Variants in RBM6 observed in about 807,000 individuals in gnomAD.
RBM6 encodes RNA binding motif protein 6, also known as RNA-binding protein 6.
RBM6 carries 23 observed loss-of-function variants against 140.4 expected under a neutral mutation model. That is an observed-to-expected ratio of 0.16 (90% confidence interval 0.12 to 0.23). The LOEUF is 0.23. Among genes scored for constraint, RBM6 ranks in the 10% least tolerant of loss-of-function variants. The pLI is 1.00. For synonymous variants in RBM6, 439 were observed against 475.6 expected (o/e 0.92, Z 1.00); for missense variants, 1,139 against 1,386.7 (o/e 0.82, Z 2.84).
intron 5 of RBM6, among the ~76,000 whole-genome samples, chr3:49,989,245 TCTG>T (rs1256939974): frequency 3.9e-5 from 6 of 152,194 alleles, no homozygotes; most frequent in Non-Finnish European, 2.9e-5. Context: ...TACAGAAGTT[TCTG>T]GCAGCAATAT....
intron 7 of RBM6, among the ~76,000 whole-genome samples, chr3:50,049,773 A>C (rs532102681): frequency 6.6e-6 from 1 of 151,928 alleles, no homozygotes; most frequent in Non-Finnish European, 1.5e-5. Context: ...CATTTTAACC[A>C]TTTTGAAGCA....
Position 49,965,781 on chromosome 3 carries a change from A to G in RBM6, c.45-1689A>G, listed in dbSNP as rs115284317. Among the ~76,000 whole-genome samples the G allele has an allele frequency of 7.0e-3, 1,067 of 152,170 alleles. 15 individuals carry two copies. The highest frequency in any genetic ancestry group is 0.024 in the African/African-American group (1,016 of 41,534). On this transcript the variant is annotated intron_variant, in intron 2 of 20. Transcript: ENST00000266022. ...AGTCATCATGTTCTGAAAATCCATT[A>G]AATGTACATCATTCTAGTGTTTAGG...
At chr3:50,021,740 C>CTTTTTT (rs542734328) in intron 6 of RBM6, among the ~76,000 whole-genome samples, 520 of 42,764 alleles carry the variant, frequency 0.012, 169 homozygotes, top group Middle Eastern at 0.11. Context: ...AATTTAAGTG[C>CTTTTTT]TTTTTTTTTT....
intron 6 of RBM6, among the ~76,000 whole-genome samples, chr3:50,013,587 G>T (rs1196782410): frequency 1.3e-5 from 2 of 152,166 alleles, no homozygotes; most frequent in Non-Finnish European, 2.9e-5. Context: ...ATAATCGCTT[G>T]AACCCTGGAG....
At position 50,008,531 on chromosome 3, in the gene RBM6, C is replaced by T. The variant is rs922063731; in HGVS notation, c.1557+9018C>T. Reference sequence around the variant, plus strand: ...TTTAGAATTCCAGCTTCATTACCTCCTGGCTCTTTTGTAACTTTTTTTTTT... The same window carrying T: ...TTTAGAATTCCAGCTTCATTACCTCTTGGCTCTTTTGTAACTTTTTTTTTT... On this transcript the variant is annotated intron_variant, in intron 6 of 20. Coordinates refer to ENST00000266022, the MANE Select transcript of RBM6 (RefSeq NM_005777.3). Among the ~76,000 whole-genome samples, 4 of 148,970 alleles carry T rather than the reference C, an allele frequency of 2.7e-5. No homozygotes were observed. In the East Asian group the frequency reaches 7.8e-4, roughly 29 times the overall value.
At chr3:50,041,362 A>G (rs1194612858) in intron 6 of RBM6, among the ~76,000 whole-genome samples, 2 of 152,228 alleles carry the variant, frequency 1.3e-5, no homozygotes, top group Non-Finnish European at 2.9e-5. Context: ...TATAGAGCTG[A>G]CATAGGGCAT....
chr3:50,048,182 CT>C (rs1280156621), intron 6 of RBM6, 62 bp from the exon 7 acceptor site: 15 of 1,585,042 alleles, frequency 9.5e-6, no homozygotes, highest in South Asian at 1.2e-5. Flanking sequence ...CTCTCTGTGC[CT>C]TTCTGTCTCT....
rs147134668 is a variant in RBM6, at chr3:49,967,898, G to A, written c.473G>A (p.Arg158Lys). Residue 158 changes from arginine to lysine, a missense_variant, in exon 3 of 21, where the codon AGG becomes AAG. Around this residue, in one of 9 missense-constraint regions of RBM6, gnomAD observed 566 missense variants for 612.7 expected, o/e 0.92. Transcript: ENST00000266022. The surrounding 1 kb of genome is among the most constrained non-coding windows in gnomAD (Gnocchi z 4.0). ...REAPHMNYRDRDAHAVDFRGR... is the reference protein window; with the variant it reads ...REAPHMNYRDKDAHAVDFRGR... ...GCACCTCATATGAACTACAGAGACAGGGATGCTCACGCTGTTGACTTCAGA... is the reference window on the plus strand; with the variant it reads ...GCACCTCATATGAACTACAGAGACAAGGATGCTCACGCTGTTGACTTCAGA... 7.9e-5 allele frequency: 127 copies of A among 1,613,774 alleles called. No homozygotes were observed. The highest frequency in any genetic ancestry group is 1.0e-4 in the Non-Finnish European group (119 of 1,179,832).
intron 1 of RBM6, among the ~76,000 whole-genome samples, chr3:49,943,056 C>T (rs1487953950): frequency 1.3e-5 from 2 of 151,998 alleles, no homozygotes; most frequent in Non-Finnish European, 2.9e-5. Context: ...CAAGGTTGAT[C>T]CATGTTGTAC....
At chr3:49,952,472 C>T (rs2083778515) in intron 1 of RBM6, among the ~76,000 whole-genome samples, 1 of 150,868 alleles carries the variant, frequency 6.6e-6, no homozygotes, top group South Asian at 2.1e-4. Context: ...GCCACTTTTA[C>T]TATATTTTAA....
At chr3:49,971,661 C>T (rs187521039) in intron 3 of RBM6, among the ~76,000 whole-genome samples, 9 of 152,168 alleles carry the variant, frequency 5.9e-5, no homozygotes, top group African/African-American at 1.9e-4. Flanking sequence ...CCTCAGCCTC[C>T]TGAGTAGCTG....
intron 5 of RBM6, among the ~76,000 whole-genome samples, chr3:49,980,964 G>A (rs1428395532): frequency 2.0e-5 from 3 of 151,356 alleles, no homozygotes; most frequent in African/African-American, 4.9e-5. Context: ...GTGCAGTGGC[G>A]CGATATCGGC....
At chr3:49,976,904 A>G (rs1167833905) in intron 5 of RBM6, among the ~76,000 whole-genome samples, 1 of 152,200 alleles carries the variant, frequency 6.6e-6, no homozygotes, top group Non-Finnish European at 1.5e-5. Context: ...AAAACGAAAA[A>G]TACCTTTCAG....
rs781666292 is a variant in RBM6, at chr3:50,002,264, C to CT, written c.1557+2766dup. ...CACCATGCTTGGGTAAATTTTTTTT[C>CT]TTTTTTTTTTTTTTTGAGATGGAGT... is the stretch of plus-strand genomic sequence containing the variant. On this transcript the variant is annotated intron_variant, in intron 6 of 20. Coordinates refer to ENST00000266022, the MANE Select transcript of RBM6 (RefSeq NM_005777.3). Among the ~76,000 whole-genome samples the CT allele has an allele frequency of 3.6e-3, 498 of 138,018 alleles. 2 individuals carry two copies. Among genetic ancestry groups the CT allele is most frequent in the Middle Eastern group, 7.3e-3 (2 of 274 alleles). The allele number at this position is 138,018 out of a possible 152,430, so 90.5% of individuals were successfully genotyped here.
At chr3:49,975,027 T>A (rs935620808) in intron 4 of RBM6, among the ~76,000 whole-genome samples, 5 of 150,800 alleles carry the variant, frequency 3.3e-5, no homozygotes, top group Non-Finnish European at 5.9e-5. Context: ...TTTTTAGAGA[T>A]AGGGTCTCAC....
intron 5 of RBM6, among the ~76,000 whole-genome samples, chr3:49,987,116 AG>A (rs1175190731): frequency 1.3e-5 from 2 of 151,782 alleles, no homozygotes; most frequent in African/African-American, 4.8e-5. Flanking sequence ...TCTGTCCTCC[AG>A]GCTGGAGTGC....
At chr3:50,061,618 C>T in intron 14 of RBM6, 71 bp downstream of exon 14, 3 of 1,525,226 alleles carry the variant, frequency 2.0e-6, no homozygotes, top group Non-Finnish European at 2.6e-6. Flanking sequence ...GAAAAGCACC[C>T]ATAATTTGCT....
intron 6 of RBM6, among the ~76,000 whole-genome samples, chr3:49,999,719 A>G (rs1006030845): frequency 6.6e-6 from 1 of 152,062 alleles, no homozygotes; most frequent in African/African-American, 2.4e-5. Context: ...AGTGCATTTT[A>G]AAAGCTAGAG....
intron 20 of RBM6, 115 bp from the exon 21 acceptor site, chr3:50,076,893 A>C: frequency 8.7e-7 from 1 of 1,148,848 alleles, no homozygotes; most frequent in Non-Finnish European, 1.2e-6. Flanking sequence ...AAAAAAAAAA[A>C]AAAAATTATC....
Sources: gnomAD v4.1 joint callset for allele counts (sites outside exome capture counted in the v4.1 genomes callset) on GRCh38, gnomAD v4.1.1 for gene constraint, gnomAD v4.1.1 regional missense constraint, Gnocchi (gnomAD v3.1) non-coding constraint, MANE v1.5 for transcripts, NCBI Gene and HGNC (gene_info 2026-07-23, HGNC 2026-07-21) for gene names.